Variants in EPS8 observed in about 807,000 individuals in gnomAD.
EPS8 encodes the protein epidermal growth factor receptor kinase substrate 8.
Under a neutral mutation model 103.8 loss-of-function variants are expected in EPS8, and 42 were observed. That is an observed-to-expected ratio of 0.40 (90% CI 0.32 to 0.52). EPS8 has a LOEUF of 0.52. Among genes scored for constraint, EPS8 ranks in the 20% least tolerant of loss-of-function variants. The pLI is 0.40. For missense variants in EPS8, 969 were observed against 1,005.1 expected, an observed-to-expected ratio of 0.96 and a Z score of 0.49; for synonymous variants, 344 against 344.6, an observed-to-expected ratio of 1.00 and a Z score of 0.02.
chr12:15,650,889 C>T lies in EPS8; in HGVS notation c.1368G>A (p.Leu456=). The T allele has an allele frequency of 6.2e-7, 1 of 1,614,084 alleles. No individual in the cohort carries two copies. The highest frequency in any genetic ancestry group is 1.3e-5 in the African/African-American group (1 of 75,014). The change falls in exon 14 of 21, where the codon CTG becomes CTA. Residue 456 remains leucine, a synonymous_variant. Transcript: ENST00000281172. ...GATMEQDLYQ[L]AESVANVAEH... is the part of the protein sequence containing the mutation. The stretch of plus-strand genomic sequence containing the variant: ...CTGCTACATTTGCCACAGATTCTGC[C>T]AGTTGATAAAGATCTTGTTCCATTG...
intron 1 of EPS8, among the ~76,000 whole-genome samples, chr12:15,710,305 T>C (rs914631007): frequency 3.3e-5 from 5 of 152,192 alleles, no homozygotes; most frequent in Non-Finnish European, 5.9e-5. Context: ...AATAATATAA[T>C]TGGCAAAGTT....
At chr12:15,773,619 A>G (rs1215513816) in intron 1 of EPS8, among the ~76,000 whole-genome samples, 1 of 152,180 alleles carries the variant, frequency 6.6e-6, no homozygotes, top group East Asian at 1.9e-4. Flanking sequence ...TTCTAAGTAC[A>G]AGTACTTATT....
rs1947057219 is a variant in EPS8, at chr12:15,763,000, GATT to G, written c.-22+26158_-22+26160del. On this transcript the variant is annotated intron_variant, in intron 1 of 20. Transcript: ENST00000281172. The surrounding 1 kb of genome is among the most constrained non-coding windows in gnomAD (Gnocchi z 4.8). ...ATAGATAGCCCATTTTCCATGATGT[GATT>G]ATTATGTGTTACATGCCTGTATCAA... is the stretch of plus-strand genomic sequence containing the variant. Among the ~76,000 whole-genome samples the G allele has an allele frequency of 6.6e-6, 1 of 152,018 alleles. No homozygotes were observed. The highest frequency in any genetic ancestry group is 2.1e-4 in the South Asian group (1 of 4,818).
rs954948722 is a variant in EPS8 at position 15,725,625 on chromosome 12, T to C, written c.-21-42653A>G. Among the ~76,000 whole-genome samples the C allele has an allele frequency of 6.6e-6, 1 of 152,134 alleles. No homozygotes were observed. Among genetic ancestry groups the C allele is most frequent in the African/African-American group, 2.4e-5 (1 of 41,414 alleles). ...ACAATGGGTCTTCATCATATGGTGA[T>C]TCACTCACCACCACAGTATCAACCT... is the stretch of plus-strand genomic sequence containing the variant. On this transcript the variant is annotated intron_variant, in intron 1 of 20. Transcript: ENST00000281172. The surrounding 1 kb of genome is among the most constrained non-coding windows in gnomAD (Gnocchi z 4.5).
rs1177869698 is a variant in EPS8, at chr12:15,764,989, T to C, written c.-22+24172A>G. On this transcript the variant is annotated intron_variant, in intron 1 of 20. Coordinates refer to ENST00000281172, the MANE Select transcript of EPS8 (RefSeq NM_004447.6). This position sits in a 1 kb window ranked among gnomAD's most constrained non-coding sequence, Gnocchi z 4.1. ...TATATTGAAAGTCAGAATTTTTCTA[T>C]AAACTGAGATTAATCCTTGTTTAAT... Among the ~76,000 whole-genome samples, 1 of 152,252 alleles carries C rather than the reference T, an allele frequency of 6.6e-6. No homozygotes were observed. The highest frequency in any genetic ancestry group is 1.5e-5 in the Non-Finnish European group (1 of 68,046).
intron 14 of EPS8, among the ~76,000 whole-genome samples, chr12:15,650,069 A>G (rs990252860): frequency 9.8e-5 from 15 of 152,336 alleles, no homozygotes; most frequent in African/African-American, 3.4e-4. Context: ...TCATAGAAAC[A>G]TCACTTTTAG....
chr12:15,669,631 G>A lies in EPS8; in HGVS notation c.366+33C>T, dbSNP rs368143992. 46 of 1,558,842 alleles carry A rather than the reference G, an allele frequency of 3.0e-5. No individual in the cohort carries two copies. In the African/African-American group the frequency reaches 5.1e-4, roughly 17 times the overall value. ...AACATTAATATTTGTGGAGTTTCTT[G>A]AAAATAAAATAGTATAAATTTTACA... On this transcript the variant is annotated intron_variant, in intron 5 of 20. Coordinates refer to ENST00000281172, the MANE Select transcript of EPS8 (RefSeq NM_004447.6).
In EPS8 at chr12:15,665,844, A is replaced by G; in HGVS notation, c.648T>C (p.Pro216=). 10 of 1,613,914 alleles carry G rather than the reference A, an allele frequency of 6.2e-6. No homozygotes were observed. Among genetic ancestry groups the G allele is most frequent in the South Asian group, 1.1e-5 (1 of 91,068 alleles). ...DPSIPPPPRA[P]APAPPGTVTQ... ...TGACGGTCCCAGGGGGCGCAGGGGC[A>G]GGAGCTCTGGGTGGAGGCGGTATAC... The change falls in exon 8 of 21, where the codon CCT becomes CCC. Residue 216 remains proline, a synonymous_variant. Coordinates refer to ENST00000281172, the MANE Select transcript of EPS8 (RefSeq NM_004447.6).
intron 8 of EPS8, among the ~76,000 whole-genome samples, chr12:15,663,553 C>T (rs1036920715): frequency 1.3e-5 from 2 of 152,060 alleles, no homozygotes; most frequent in African/African-American, 4.8e-5. Flanking sequence ...AAACAGATGA[C>T]ATTGCAGAAA....
intron 2 of EPS8, 45 bp downstream of exon 2, chr12:15,682,848 A>T (rs1254038157): frequency 2.8e-6 from 3 of 1,052,924 alleles, no homozygotes; most frequent in African/African-American, 1.6e-5. Flanking sequence ...AAATCACCAA[A>T]TCAAATTCCC....
Position 15,771,659 on chromosome 12 carries a change from A to T in EPS8, c.-22+17502T>A, listed in dbSNP as rs376481359. Among the ~76,000 whole-genome samples, 50 of 152,138 alleles carry T rather than the reference A, an allele frequency of 3.3e-4. 1 individual carries two copies. In the East Asian group the frequency reaches 4.6e-3, roughly 14 times the overall value. ...GATGTGTTCTTCTAATGGGCTAGAA[A>T]TTCTCCGTAGGATTGCACTGCACTC... On this transcript the variant is annotated intron_variant, in intron 1 of 20. Transcript: ENST00000281172. The surrounding 1 kb of genome is among the most constrained non-coding windows in gnomAD (Gnocchi z 4.6).
chr12:15,680,484 G>A (rs1275690767), intron 3 of EPS8, among the ~76,000 whole-genome samples: 1 of 152,076 alleles, frequency 6.6e-6, no homozygotes, highest in African/African-American at 2.4e-5. Context: ...TTAGGCACAC[G>A]CAGGTAAATT....
chr12:15,669,757 C>T lies in EPS8; in HGVS notation c.273G>A (p.Leu91=), dbSNP rs191035047. 26 of 1,613,822 alleles carry T rather than the reference C, an allele frequency of 1.6e-5. No individual in the cohort carries two copies. In the East Asian group the frequency reaches 5.8e-4, roughly 36 times the overall value. Residue 91 remains leucine, a synonymous_variant, in exon 5 of 21, where the codon TTG becomes TTA. Coordinates refer to ENST00000281172, the MANE Select transcript of EPS8 (RefSeq NM_004447.6). ...CTTTGCCCTTGGCATCAAGCAATTT[C>T]AATTTCCTTATTCCATCATCAACAG... ...MITVDDGIRK[L]KLLDAKGKVW...
rs1338858005 is a variant in EPS8, at chr12:15,764,179, C to T, written c.-22+24982G>A. Among the ~76,000 whole-genome samples, 1 of 152,108 alleles carries T rather than the reference C, an allele frequency of 6.6e-6. No homozygotes were observed. Among genetic ancestry groups the T allele is most frequent in the Non-Finnish European group, 1.5e-5 (1 of 68,018 alleles). On this transcript the variant is annotated intron_variant, in intron 1 of 20. Coordinates refer to ENST00000281172, the MANE Select transcript of EPS8 (RefSeq NM_004447.6). This position sits in a 1 kb window ranked among gnomAD's most constrained non-coding sequence, Gnocchi z 4.1. ...CAAGAGAGCATATGCAGGGGAACTCCCCTTTATAAAACCATCAGATCTCGT... is the reference window on the plus strand; with the variant it reads ...CAAGAGAGCATATGCAGGGGAACTCTCCTTTATAAAACCATCAGATCTCGT...
rs1433987877 is a variant in EPS8, at chr12:15,684,513, T to C, written c.-21-1541A>G. Among the ~76,000 whole-genome samples, 4 of 152,234 alleles carry C rather than the reference T, an allele frequency of 2.6e-5. No homozygotes were observed. Among genetic ancestry groups the C allele is most frequent in the African/African-American group, 4.8e-5 (2 of 41,464 alleles). ...AGGCACAGAATAGGTGTTCATTAAATATTTATTCAAAGAAAGAAAGAAGGA... is the reference window on the plus strand; with the variant it reads ...AGGCACAGAATAGGTGTTCATTAAACATTTATTCAAAGAAAGAAAGAAGGA... On this transcript the variant is annotated intron_variant, in intron 1 of 20. Transcript: ENST00000281172. The surrounding 1 kb of genome is among the most constrained non-coding windows in gnomAD (Gnocchi z 4.9).
Position 15,620,487 on chromosome 12 carries a change from T to C in EPS8, c.*830A>G, listed in dbSNP as rs8664. 14,903 of 152,638 alleles carry C rather than the reference T, an allele frequency of 0.098. 1,125 individuals are homozygous for C. The highest frequency in any genetic ancestry group is 0.24 in the Admixed American group (3,592 of 15,262). The allele number at this position is 152,638 out of a possible 1,614,324, so 9.5% of individuals were successfully genotyped here. A position where few individuals can be genotyped will look rare whatever the true frequency, so the allele number is the denominator to read the frequency against. ...GATAAACACATAAAATGGCCCCACT[T>C]CCTTTTAACTACTCATATCAACATT... is the stretch of plus-strand genomic sequence containing the variant. On this transcript the variant is annotated 3_prime_UTR_variant, in exon 21 of 21. Coordinates refer to ENST00000281172, the MANE Select transcript of EPS8 (RefSeq NM_004447.6).
intron 1 of EPS8, among the ~76,000 whole-genome samples, chr12:15,743,107 A>G (rs545214707): frequency 3.3e-5 from 5 of 152,318 alleles, no homozygotes; most frequent in African/African-American, 1.2e-4. Context: ...AAGCATTCCT[A>G]TACACCAATA....
intron 1 of EPS8, among the ~76,000 whole-genome samples, chr12:15,715,798 A>G (rs1349262096): frequency 6.6e-6 from 1 of 151,948 alleles, no homozygotes; most frequent in African/African-American, 2.4e-5. Flanking sequence ...CCCCAAGAAC[A>G]CTTTCTAATA....
chr12:15,718,050 A>G (rs1241038786), intron 1 of EPS8, among the ~76,000 whole-genome samples: 1 of 152,210 alleles, frequency 6.6e-6, no homozygotes, highest in African/African-American at 2.4e-5. Context: ...GATTAGATGT[A>G]AAGTGTTAAG....
Sources: gnomAD v4.1 joint callset for allele counts (sites outside exome capture counted in the v4.1 genomes callset) on GRCh38, gnomAD v4.1.1 for gene constraint, Gnocchi (gnomAD v3.1) non-coding constraint, MANE v1.5 for transcripts, NCBI Gene and HGNC (gene_info 2026-07-23, HGNC 2026-07-21) for gene names.